COG1: variants seen among roughly 807,000 people sequenced by gnomAD.
COG1 encodes conserved oligomeric Golgi complex subunit 1.
A neutral mutation model predicts 102.2 loss-of-function variants in COG1; 61 were observed. The ratio of observed to expected loss-of-function variants is 0.60; its 90% confidence interval spans 0.49 to 0.74. The LOEUF is 0.74. Ranked by LOEUF, COG1 falls within the 30% of genes least tolerant of loss-of-function variation. The pLI, the probability that COG1 is intolerant of heterozygous loss-of-function variation, is 0.00. For missense variants in COG1, 1,164 were observed against 1,232.1 expected (o/e 0.94, Z 0.83); for synonymous variants, 454 against 493.6 (o/e 0.92, Z 1.06).
At chr17:73,202,962 CTGAGTGGCT>C in intron 7 of COG1, 29 bp from the exon 8 acceptor site, 1 of 1,611,164 alleles carries the variant, frequency 6.2e-7, no homozygotes, top group Non-Finnish European at 8.5e-7. Flanking sequence ...TACAGAGGAT[CTGAGTGGCT>C]TGTATGGATA....
chr17:73,203,279 G>A (rs2061354471), intron 8 of COG1, 133 bp downstream of exon 8: 1 of 1,169,492 alleles, frequency 8.6e-7, no homozygotes, highest in Non-Finnish European at 1.2e-6. Flanking sequence ...TACTGTGGGG[G>A]CATAGTAGAT....
intron 1 of COG1, among the ~76,000 whole-genome samples, chr17:73,193,924 C>T (rs35101571): frequency 0.49 from 74,048 of 151,798 alleles, 18,353 homozygotes; most frequent in East Asian, 0.6. Flanking sequence ...ATGTATGTGA[C>T]AGGGTCTCCC....
At chr17:73,193,940 G>A (rs2061313642) in intron 1 of COG1, among the ~76,000 whole-genome samples, 1 of 152,060 alleles carries the variant, frequency 6.6e-6, no homozygotes, top group Non-Finnish European at 1.5e-5. Context: ...CTCCCAAAGT[G>A]CTGGGATTAC....
At position 73,193,384 on chromosome 17, in the gene COG1, G is replaced by A; in HGVS notation, c.315G>A (p.Gln105=). Residue 105 remains glutamine, a splice_region_variant and synonymous_variant, in exon 1 of 14, where the codon CAG becomes CAA. Transcript: ENST00000299886. Reference sequence around the variant, plus strand: ...CGCCCCGGCCACCGCGGGCCCAGCAGGTCAGTCCCCGTGCCCCCACCCTGC... The same window carrying A: ...CGCCCCGGCCACCGCGGGCCCAGCAAGTCAGTCCCCGTGCCCCCACCCTGC... The part of the protein sequence containing the change: ...SAAPRPPRAQ[Q]PQQPSQEKFY... The A allele has an allele frequency of 6.8e-7, 1 of 1,468,244 alleles. No individual in the cohort carries two copies. Among genetic ancestry groups the A allele is most frequent in the Middle Eastern group, 2.4e-4 (1 of 4,152 alleles). The allele number at this position is 1,468,244 out of a possible 1,614,324, so 91.0% of individuals were successfully genotyped here.
rs2061373521 is a variant in COG1 at position 73,206,565 on chromosome 17, TC to T, written c.2620-142del. ...ACCTGTGGGCAGTGATAAAAAGTAA[TC>T]GTGAAGCATAAATGCACTCAGAACA... is the stretch of plus-strand genomic sequence containing the variant. On this transcript the variant is annotated intron_variant, in intron 11 of 13. Coordinates refer to ENST00000299886, the MANE Select transcript of COG1 (RefSeq NM_018714.3). The T allele has an allele frequency of 5.6e-6, 4 of 717,580 alleles. No individual in the cohort carries two copies. The South Asian group carries it at 6.1e-5, about 11-fold the overall frequency. The allele number at this position is 717,580 out of a possible 1,614,324, so 44.5% of individuals were successfully genotyped here.
Position 73,205,812 on chromosome 17 carries a change from A to G in COG1, c.2510+132A>G, listed in dbSNP as rs116533755. ...TGTTTGTTTTGAACAGTAAGTGCTC[A>G]TATTGCCAGCAAGTTAAATAATGGC... On this transcript the variant is annotated intron_variant, in intron 10 of 13. Transcript: ENST00000299886. The G allele has an allele frequency of 1.3e-3, 1,654 of 1,244,956 alleles. 19 individuals carry two copies. The African/African-American group carries it at 0.018, about 13-fold the overall frequency. 77.1% of individuals were successfully genotyped at this position (1,244,956 alleles called of 1,614,324 possible). A position where few individuals can be genotyped will look rare whatever the true frequency, so the allele number is the denominator to read the frequency against.
At chr17:73,201,982 T>A in intron 7 of COG1, 82 bp downstream of exon 7, 1 of 1,289,622 alleles carries the variant, frequency 7.8e-7, no homozygotes, top group Non-Finnish European at 1.1e-6. Flanking sequence ...GTTCCTTCAG[T>A]AGTAAAGGCA....
intron 13 of COG1, chr17:73,207,494 T>C (rs745662428): frequency 1.4e-5 from 9 of 631,914 alleles, no homozygotes; most frequent in Non-Finnish European, 1.9e-5. Flanking sequence ...GTAGAAAATA[T>C]ACAGGACAGG....
chr17:73,195,631 A>G (rs558700949), intron 1 of COG1, among the ~76,000 whole-genome samples: 9,864 of 150,342 alleles, frequency 0.066, 396 homozygotes, highest in Non-Finnish European at 0.085. Flanking sequence ...AAAAAAAAAA[A>G]GGCTGGGCGC....
At chr17:73,198,152 T>C (rs1348479828) in intron 4 of COG1, among the ~76,000 whole-genome samples, 1 of 151,026 alleles carries the variant, frequency 6.6e-6, no homozygotes, top group Admixed American at 6.7e-5. Flanking sequence ...CGCTGGGAGC[T>C]TGGGTTACGA....
Position 73,196,933 on chromosome 17 carries a change from C to A in COG1, c.594C>A (p.Leu198=). 6.2e-7 allele frequency: 1 copy of A among 1,614,212 alleles called. No individual in the cohort carries two copies. Among genetic ancestry groups the A allele is most frequent in the South Asian group, 1.1e-5 (1 of 91,074 alleles). The change falls in exon 3 of 14, where the codon CTC becomes CTA. Residue 198 remains leucine, a synonymous_variant. Coordinates refer to ENST00000299886, the MANE Select transcript of COG1 (RefSeq NM_018714.3). ...TTCTGCATGAAAGCAAGATGTTGCT[C>A]AAATGCCAAGGTGTGTCTGACCAAG... ...STILHESKML[L]KCQGVSDQAV... is the part of the protein sequence containing the mutation.
rs984674317 is a variant in COG1 at position 73,206,080 on chromosome 17, C to T, written c.2511-74C>T. 3.3e-6 allele frequency: 4 copies of T among 1,206,662 alleles called. No individual in the cohort carries two copies. In the African/African-American group the frequency reaches 4.5e-5, roughly 14 times the overall value. 74.7% of individuals were successfully genotyped at this position (1,206,662 alleles called of 1,614,324 possible). A position where few individuals can be genotyped will look rare whatever the true frequency, so the allele number is the denominator to read the frequency against. ...ATAAAACCCAACTCCAAGATTTCTA[C>T]AGCAGTAGGATATCATAAGATTGTT... is the stretch of plus-strand genomic sequence containing the variant. On this transcript the variant is annotated intron_variant, in intron 10 of 13. Coordinates refer to ENST00000299886, the MANE Select transcript of COG1 (RefSeq NM_018714.3).
chr17:73,202,349 T>C (rs114190444), intron 7 of COG1, among the ~76,000 whole-genome samples: 77,619 of 151,468 alleles, frequency 0.51, 19,922 homozygotes, highest in East Asian at 0.6. Context: ...AAAAAAAACT[T>C]TTTCATTCAT....
rs1420965242 is a variant in COG1 at position 73,207,201 on chromosome 17, G to A, written c.2750G>A (p.Ser917Asn). Residue 917 changes from serine (S) to asparagine (N), a missense_variant, in exon 13 of 14, where the codon AGC becomes AAC. Physicochemically the swap from Ser to Asn is conservative, Grantham distance 46. Coordinates refer to ENST00000299886, the MANE Select transcript of COG1 (RefSeq NM_018714.3). ...TGGAGGTTTGGACTTCTCCCACTGA[G>A]CATGACAAGCACTCGAAAGGCTAAA... ...SQIRFGLLPLSMTSTRKAKST... is the reference protein window; with the variant it reads ...SQIRFGLLPLNMTSTRKAKST... 3 of 1,613,388 alleles carry A rather than the reference G, an allele frequency of 1.9e-6. No homozygotes were observed. Among genetic ancestry groups the A allele is most frequent in the Non-Finnish European group, 1.7e-6 (2 of 1,179,928 alleles).
intron 10 of COG1, 104 bp from the exon 11 acceptor site, chr17:73,206,050 G>A (rs2061370046): frequency 1.0e-6 from 1 of 964,884 alleles, no homozygotes; most frequent in Non-Finnish European, 1.7e-6. Flanking sequence ...CAGCAACTAA[G>A]TAGAATAAAA....
At position 73,206,829 on chromosome 17, in the gene COG1, C is replaced by G; in HGVS notation, c.2729+12C>G. 1 of 1,596,592 alleles carries G rather than the reference C, an allele frequency of 6.3e-7. No homozygotes were observed. The highest frequency in any genetic ancestry group is 8.6e-7 in the Non-Finnish European group (1 of 1,164,410). The stretch of plus-strand genomic sequence containing the variant: ...TCCAGTCAGATCAGGTAAAGGCTGC[C>G]AAGAGGCTTCTGCGGGGCACTTCGG... On this transcript the variant is annotated intron_variant, in intron 12 of 13. Coordinates refer to ENST00000299886, the MANE Select transcript of COG1 (RefSeq NM_018714.3).
At position 73,197,345 on chromosome 17, in the gene COG1, T is replaced by C. The variant is rs767482114; in HGVS notation, c.862T>C (p.Cys288Arg). ...ACTGCTGCCAGATCCAGCCCTGCCA[T>C]GTGGCTTGCTCTTCTCTACTCTGGA... ...EGLLPDPALP[C>R]GLLFSTLETI... Residue 288 changes from cysteine to arginine, a missense_variant, in exon 4 of 14, where the codon TGT becomes CGT. Transcript: ENST00000299886. 1.1e-5 allele frequency: 18 copies of C among 1,614,114 alleles called. No homozygotes were observed. Among genetic ancestry groups the C allele is most frequent in the Non-Finnish European group, 1.4e-5 (16 of 1,180,050 alleles).
Position 73,201,592 on chromosome 17 carries a change from C to G in COG1, c.1765C>G (p.Leu589Val), listed in dbSNP as rs769998938. ...KHIVDCIRAE[L>V]QSIEEGVQGQ... ...CATCGTGGACTGCATCCGGGCAGAG[C>G]TACAGAGCATTGAAGAGGGTGTGCA... Residue 589 changes from leucine (L) to valine (V), a missense_variant, in exon 7 of 14, where the codon CTA becomes GTA. Leu to Val is a conservative substitution (Grantham distance 32, BLOSUM62 1). Coordinates refer to ENST00000299886, the MANE Select transcript of COG1 (RefSeq NM_018714.3). 1.2e-5 allele frequency: 19 copies of G among 1,614,216 alleles called. No homozygotes were observed. The Middle Eastern group carries it at 1.2e-3, about 98-fold the overall frequency.
In COG1 at chr17:73,201,248, T is replaced by G; in HGVS notation, c.1421T>G (p.Phe474Cys). ...HIHFEYNMSLFLWSESPNDLP... is the reference protein window; with the variant it reads ...HIHFEYNMSLCLWSESPNDLP... ...CACTTTGAGTACAACATGTCGCTCTTCCTCTGGTCTGAGAGTCCTAATGAC... is the reference window on the plus strand; with the variant it reads ...CACTTTGAGTACAACATGTCGCTCTGCCTCTGGTCTGAGAGTCCTAATGAC... Residue 474 changes from phenylalanine to cysteine, a missense_variant, in exon 7 of 14, where the codon TTC becomes TGC. Transcript: ENST00000299886. 1 of 1,614,214 alleles carries G rather than the reference T, an allele frequency of 6.2e-7. No individual in the cohort carries two copies. The highest frequency in any genetic ancestry group is 8.5e-7 in the Non-Finnish European group (1 of 1,180,032).
Sources: gnomAD v4.1 joint callset for allele counts (sites outside exome capture counted in the v4.1 genomes callset) on GRCh38, gnomAD v4.1.1 for gene constraint, MANE v1.5 for transcripts, NCBI Gene and HGNC (gene_info 2026-07-23, HGNC 2026-07-21) for gene names.